The following TADA1 variants were observed in gnomAD, a reference collection of about 807,000 sequenced individuals.
The protein encoded by TADA1 is transcriptional adapter 1.
TADA1 carries 23 observed loss-of-function variants against 39.3 expected under a neutral mutation model. The ratio of observed to expected loss-of-function variants is 0.58; its 90% CI spans 0.42 to 0.83. The LOEUF is 0.83. TADA1 is among the 40% of genes least tolerant of loss of function. The pLI is 0.00. For synonymous variants in TADA1, 137 were observed against 151.8 expected, an observed-to-expected ratio of 0.90 and a Z score of 0.72; for missense variants, 352 against 408.1, an observed-to-expected ratio of 0.86 and a Z score of 1.18.
intron 3 of TADA1, among the ~76,000 whole-genome samples, chr1:166,868,446 C>T (rs1658583296): frequency 6.6e-6 from 1 of 152,176 alleles, no homozygotes; most frequent in African/African-American, 2.4e-5. Context: ...ACTACGGACA[C>T]CTTTCAAGTT....
intron 3 of TADA1, 144 bp from the exon 4 acceptor site, chr1:166,864,065 A>G (rs184012432): frequency 1.2e-5 from 8 of 653,284 alleles, no homozygotes; most frequent in Non-Finnish European, 2.0e-5. Flanking sequence ...TTCTCTTTCT[A>G]CTTCTCTAAA....
chr1:166,858,202 C>T lies in TADA1; in HGVS notation c.772G>A (p.Ala258Thr). The T allele has an allele frequency of 6.2e-7, 1 of 1,613,112 alleles. No individual in the cohort carries two copies. The highest frequency in any genetic ancestry group is 8.5e-7 in the Non-Finnish European group (1 of 1,179,272). ...PPPDDAEQQAALLLACSGDTL... is the reference protein window; with the variant it reads ...PPPDDAEQQATLLLACSGDTL... The stretch of plus-strand genomic sequence containing the variant: ...TCTCCGGAGCATGCCAGCAGGAGTG[C>T]AGCCTGCTGCTCAGCATCATCAGGG... The change falls in exon 7 of 8, where the codon GCA becomes ACA. Residue 258 changes from alanine (A) to threonine (T), a missense_variant. Ala to Thr is a moderately conservative substitution (Grantham distance 58). This residue lies in a region of TADA1 where 285 missense variants were observed against 310.9 expected (regional missense o/e 0.92). Transcript: ENST00000367874.
At chr1:166,875,059 A>C (rs1367389626) in intron 1 of TADA1, among the ~76,000 whole-genome samples, 2 of 152,230 alleles carry the variant, frequency 1.3e-5, no homozygotes, top group Non-Finnish European at 2.9e-5. Flanking sequence ...AGAAAAATTA[A>C]GTATTCCCAA....
intron 1 of TADA1, among the ~76,000 whole-genome samples, chr1:166,870,304 A>C (rs1053113618): frequency 3.3e-5 from 5 of 152,260 alleles, no homozygotes; most frequent in Non-Finnish European, 7.3e-5. Context: ...CAATTAGGAC[A>C]CAGATACATT....
At position 166,858,147 on chromosome 1, in the gene TADA1, T is replaced by C. The variant is rs1156284976; in HGVS notation, c.827A>G (p.Asn276Ser). The change falls in exon 7 of 8, where the codon AAC (asparagine) becomes AGC (serine). Residue 276 changes from asparagine (N) to serine (S), a missense_variant. Asn to Ser is a conservative substitution (Grantham distance 46, BLOSUM62 1). Transcript: ENST00000367874. Reference sequence around the variant, plus strand: ...CAAAGCTTCAAAAAGATCGTACATGTTCACCGGAGGCAAAGATGCAGGTAG... The same window carrying C: ...CAAAGCTTCAAAAAGATCGTACATGCTCACCGGAGGCAAAGATGCAGGTAG... Reference protein sequence around the residue: ...DTLPASLPPVNMYDLFEALQV... With the variant: ...DTLPASLPPVSMYDLFEALQV... The C allele has an allele frequency of 6.2e-6, 10 of 1,614,066 alleles. No individual in the cohort carries two copies. The Admixed American group carries it at 1.0e-4, about 16-fold the overall frequency.
intron 5 of TADA1, among the ~76,000 whole-genome samples, chr1:166,860,670 A>G (rs1658385385): frequency 6.6e-6 from 1 of 152,186 alleles, no homozygotes; most frequent in Non-Finnish European, 1.5e-5. Flanking sequence ...AGAAGTACAC[A>G]AAAATGACTT....
chr1:166,857,832 A>G, intron 7 of TADA1, 113 bp from the exon 8 acceptor site: 1 of 1,184,322 alleles, frequency 8.4e-7, no homozygotes, highest in Non-Finnish European at 1.2e-6. Context: ...ACTTTCAGTC[A>G]TACACTAAAA....
chr1:166,863,532 C>T (rs1030054377), intron 4 of TADA1, among the ~76,000 whole-genome samples: 17 of 152,134 alleles, frequency 1.1e-4, no homozygotes, highest in African/African-American at 4.1e-4. Context: ...ATCCAAGAAA[C>T]ATTATTCATT....
At chr1:166,861,751 T>C (rs1440193941) in intron 5 of TADA1, among the ~76,000 whole-genome samples, 1 of 152,180 alleles carries the variant, frequency 6.6e-6, no homozygotes, top group African/African-American at 2.4e-5. Context: ...GAGTTTCTCC[T>C]CTTAAAAGAA....
rs565423029 is a variant in TADA1 at position 166,866,705 on chromosome 1, TA to T, written c.232+2739del. On this transcript the variant is annotated intron_variant, in intron 3 of 7. Coordinates refer to ENST00000367874, the MANE Select transcript of TADA1 (RefSeq NM_053053.4). Reference sequence around the variant, plus strand: ...CTAATTAAAATCAGCCACCTGTACTTACGAATACCACTTCAACATTTGTTTG... The same window carrying T: ...CTAATTAAAATCAGCCACCTGTACTTCGAATACCACTTCAACATTTGTTTG... Among the ~76,000 whole-genome samples, 28 of 152,266 alleles carry T rather than the reference TA, an allele frequency of 1.8e-4. No individual in the cohort carries two copies. The South Asian group carries it at 3.7e-3, about 20-fold the overall frequency.
chr1:166,863,083 GT>G (rs1227756700), intron 4 of TADA1: 3 of 152,552 alleles, frequency 2.0e-5, no homozygotes, highest in Non-Finnish European at 4.4e-5. Context: ...AAAAGATTTT[GT>G]AGTGAAGATG....
Position 166,862,271 on chromosome 1 carries a change from T to A in TADA1, c.472A>T (p.Thr158Ser). 1 of 1,614,018 alleles carries A rather than the reference T, an allele frequency of 6.2e-7. No individual in the cohort carries two copies. The change falls in exon 5 of 8, where the codon ACT becomes TCT. Residue 158 changes from threonine to serine, a missense_variant. This residue lies in a region of TADA1 where 285 missense variants were observed against 310.9 expected (regional missense o/e 0.92). Coordinates refer to ENST00000367874, the MANE Select transcript of TADA1 (RefSeq NM_053053.4). The part of the protein sequence containing the change: ...RGQLEGRMIV[T>S]AYEHGLDNVT... Reference sequence around the variant, plus strand: ...TTGTCCAGCCCATGCTCATAAGCAGTCACTATCATTCTCCCTTCAAGCTGG... The same window carrying A: ...TTGTCCAGCCCATGCTCATAAGCAGACACTATCATTCTCCCTTCAAGCTGG...
At chr1:166,862,531 G>A in intron 4 of TADA1, 119 bp from the exon 5 acceptor site, 1 of 734,474 alleles carries the variant, frequency 1.4e-6, no homozygotes, top group Non-Finnish European at 2.3e-6. Flanking sequence ...ATACCACAGG[G>A]GTTAAGGGAA....
chr1:166,875,141 A>G (rs1658735204), intron 1 of TADA1, among the ~76,000 whole-genome samples: 1 of 152,238 alleles, frequency 6.6e-6, no homozygotes, highest in South Asian at 2.1e-4. Context: ...ATACCAGAGA[A>G]GCCATCTAGC....
intron 7 of TADA1, 138 bp from the exon 8 acceptor site, chr1:166,857,857 G>T (rs368902697): frequency 1.5e-4 from 152 of 1,038,212 alleles, no homozygotes; most frequent in East Asian, 5.3e-4. Flanking sequence ...TCACCAATTG[G>T]ATAATAATAA....
At position 166,876,255 on chromosome 1, in the gene TADA1, A is replaced by ACCGCAGACCGC; in HGVS notation, c.-23_-22insGCGGTCTGCGG. On this transcript the variant is annotated 5_prime_UTR_variant, in exon 1 of 8. Transcript: ENST00000367874. ...CCATTGCTCCGCGTGTCTCAGCCCGACCGCAGACCGCCCGGCCACCGCGAT... is the reference window on the plus strand; with the variant it reads ...CCATTGCTCCGCGTGTCTCAGCCCGACCGCAGACCGCCCGCAGACCGCCCGGCCACCGCGAT... 6.2e-7 allele frequency: 1 copy of ACCGCAGACCGC among 1,606,948 alleles called. No individual in the cohort carries two copies. The highest frequency in any genetic ancestry group is 2.2e-5 in the East Asian group (1 of 44,508).
At chr1:166,858,089 C>G (rs1390710078) in intron 7 of TADA1, 30 bp downstream of exon 7, 1 of 1,611,248 alleles carries the variant, frequency 6.2e-7, no homozygotes, top group Non-Finnish European at 8.5e-7. Context: ...ATCCATAAAC[C>G]TAGGTAAACT....
intron 3 of TADA1, among the ~76,000 whole-genome samples, chr1:166,864,283 A>C (rs1242022306): frequency 6.6e-6 from 1 of 152,200 alleles, no homozygotes; most frequent in Non-Finnish European, 1.5e-5. Context: ...AGACGCTACA[A>C]AATATGAAAG....
In TADA1 at chr1:166,858,205, C is replaced by A; in HGVS notation, c.769G>T (p.Ala257Ser). 6.2e-7 allele frequency: 1 copy of A among 1,613,602 alleles called. No homozygotes were observed. The highest frequency in any genetic ancestry group is 8.5e-7 in the Non-Finnish European group (1 of 1,179,780). Residue 257 changes from alanine (A) to serine (S), a missense_variant, in exon 7 of 8, where the codon GCT becomes TCT. Around this residue, in one of 3 missense-constraint regions of TADA1, gnomAD observed 285 missense variants for 310.9 expected, o/e 0.92. Transcript: ENST00000367874. ...HPPPDDAEQQ[A>S]ALLLACSGDT... ...CCGGAGCATGCCAGCAGGAGTGCAG[C>A]CTGCTGCTCAGCATCATCAGGGGGT... is the stretch of plus-strand genomic sequence containing the variant.
Sources: gnomAD v4.1 joint callset for allele counts (sites outside exome capture counted in the v4.1 genomes callset) on GRCh38, gnomAD v4.1.1 for gene constraint, gnomAD v4.1.1 regional missense constraint, MANE v1.5 for transcripts, NCBI Gene and HGNC (gene_info 2026-07-23, HGNC 2026-07-21) for gene names.